The following ANK2 variants were observed in gnomAD, a reference collection of about 807,000 sequenced individuals.
ANK2 encodes the protein ankyrin-2.
A neutral mutation model predicts 360.5 loss-of-function variants in ANK2; 83 were observed. The ratio of observed to expected loss-of-function variants is 0.23; its 90% confidence interval spans 0.19 to 0.28. ANK2 has a LOEUF of 0.28. Ranked by LOEUF, ANK2 falls within the 10% of genes least tolerant of loss-of-function variation. The probability of loss-of-function intolerance (pLI) is 1.00; values close to 1 mark genes in which losing one functional copy is unlikely to be tolerated. For synonymous variants in ANK2, 1,740 were observed against 1,759.5 expected (o/e 0.99, Z 0.28); for missense variants, 4,201 against 4,795.7 (o/e 0.88, Z 3.66).
At chr4:112,805,190 T>C in the ANK2 span, among the ~76,000 whole-genome samples, 1 of 152,080 alleles carries the variant, frequency 6.6e-6, no homozygotes, top group Non-Finnish European at 1.5e-5. Flanking sequence ...GTAGGAAAAT[T>C]AGGCCTCAAA....
chr4:113,206,730 A>G (rs1387044932), intron 4 of ANK2, among the ~76,000 whole-genome samples: 1 of 152,312 alleles, frequency 6.6e-6, no homozygotes, highest in East Asian at 1.9e-4. Flanking sequence ...GATGTCTTTA[A>G]AGTTTTGCCC....
chr4:113,126,987 A>G (rs1164738778), intron 1 of ANK2, among the ~76,000 whole-genome samples: 1 of 152,208 alleles, frequency 6.6e-6, no homozygotes, highest in Non-Finnish European at 1.5e-5. Context: ...AGTAAGTTGT[A>G]TAAGAGCATC....
chr4:113,235,655 G>A (rs1345285182), intron 5 of ANK2, among the ~76,000 whole-genome samples: 7 of 151,948 alleles, frequency 4.6e-5, no homozygotes, highest in Non-Finnish European at 7.4e-5. Flanking sequence ...GGCTCATGTC[G>A]AACTCCTGAA....
chr4:113,353,687 C>T lies in ANK2; in HGVS notation c.5069C>T (p.Thr1690Ile). 6.2e-7 allele frequency: 1 copy of T among 1,613,856 alleles called. No individual in the cohort carries two copies. Among genetic ancestry groups the T allele is most frequent in the Non-Finnish European group, 8.5e-7 (1 of 1,179,938 alleles). ...KDIPPDETQSTQKQHKPSLGI... is the reference protein window; with the variant it reads ...KDIPPDETQSIQKQHKPSLGI... ...ATACCCCCAGATGAGACACAGAGTA[C>T]ACAGAAACAGCACAAACCAAGCTTG... The change falls in exon 38 of 46, where the codon ACA (threonine) becomes ATA (isoleucine). Residue 1690 changes from threonine (T) to isoleucine (I), a missense_variant. This residue lies in a region of ANK2 where 2,642 missense variants were observed against 2,714.5 expected (regional missense o/e 0.97). Transcript: ENST00000357077.
intron 1 of ANK2, among the ~76,000 whole-genome samples, chr4:113,054,804 C>T (rs1190856452): frequency 2.0e-5 from 3 of 152,044 alleles, no homozygotes; most frequent in Non-Finnish European, 4.4e-5. Context: ...AGAAAAATAC[C>T]TTATAACCTG....
Position 113,355,608 on chromosome 4 carries a change from C to G in ANK2, c.6990C>G (p.Ser2330Arg). 6.2e-7 allele frequency: 1 copy of G among 1,614,064 alleles called. No homozygotes were observed. Among genetic ancestry groups the G allele is most frequent in the Non-Finnish European group, 8.5e-7 (1 of 1,179,976 alleles). The change falls in exon 38 of 46, where the codon AGC (serine) becomes AGG (arginine). Residue 2330 changes from serine to arginine, a missense_variant. By Grantham distance (110) the Ser-to-Arg change is moderately radical. Around this residue, in one of 4 missense-constraint regions of ANK2, gnomAD observed 2,642 missense variants for 2,714.5 expected, o/e 0.97. Coordinates refer to ENST00000357077, the MANE Select transcript of ANK2 (RefSeq NM_001148.6). ...AAAGACAAGATGATTGCACAGGCAG[C>G]TGTAGTGTAGCATTAGCTAAAGAGA... is the stretch of plus-strand genomic sequence containing the variant. The part of the protein sequence containing the change: ...SPKRQDDCTG[S>R]CSVALAKETP...
In ANK2 at chr4:113,382,893, T is replaced by G. The variant is rs1312874835; in HGVS notation, c.*1422T>G. 2.0e-5 allele frequency: 3 copies of G among 152,508 alleles called. No homozygotes were observed. Among genetic ancestry groups the G allele is most frequent in the Non-Finnish European group, 4.4e-5 (3 of 68,048 alleles). 9.4% of individuals were successfully genotyped at this position (152,508 alleles called of 1,614,324 possible). A position where few individuals can be genotyped will look rare whatever the true frequency, so the allele number is the denominator to read the frequency against. On this transcript the variant is annotated 3_prime_UTR_variant, in exon 46 of 46. Coordinates refer to ENST00000357077, the MANE Select transcript of ANK2 (RefSeq NM_001148.6). ...GAAATCCACACTCCCTTGGAAACTC[T>G]TAAGTGCATTTGTGCACTTCTGTTT...
At chr4:113,008,826 G>A (rs2053776567) in intron 2 of ANK2, among the ~76,000 whole-genome samples, 1 of 152,100 alleles carries the variant, frequency 6.6e-6, no homozygotes, top group Admixed American at 6.6e-5. Context: ...TGTCTAGGTG[G>A]TGGATAGGAG....
At chr4:112,902,126 G>A (rs1355939941) in intron 1 of ANK2, among the ~76,000 whole-genome samples, 2 of 152,154 alleles carry the variant, frequency 1.3e-5, no homozygotes, top group South Asian at 2.1e-4. Context: ...CAAAAGCCCA[G>A]GAACTGGTTT....
At chr4:113,341,976 A>G (rs2094353186) in intron 33 of ANK2, 60 bp downstream of exon 33, 8 of 1,325,408 alleles carry the variant, frequency 6.0e-6, no homozygotes, top group African/African-American at 1.5e-5. Context: ...GCATTAATAG[A>G]TTACATTTCA....
the ANK2 span, among the ~76,000 whole-genome samples, chr4:112,773,092 C>T: frequency 6.6e-5 from 10 of 152,214 alleles, no homozygotes; most frequent in African/African-American, 2.4e-4. Flanking sequence ...TCGAGGTGGG[C>T]AGATCACTTG....
chr4:112,725,606 C>T, the ANK2 span, among the ~76,000 whole-genome samples: 4 of 151,876 alleles, frequency 2.6e-5, no homozygotes, highest in Non-Finnish European at 4.4e-5. Flanking sequence ...GTGATCCTCC[C>T]GCCTCAGCCT....
intron 24 of ANK2, among the ~76,000 whole-genome samples, chr4:113,315,791 C>A (rs558311219): frequency 1.4e-5 from 2 of 147,162 alleles, no homozygotes; most frequent in African/African-American, 5.0e-5. Context: ...CCCAGCTACT[C>A]GGGAGGCTGA....
At chr4:113,002,400 A>T (rs2051089352) in intron 2 of ANK2, among the ~76,000 whole-genome samples, 1 of 152,360 alleles carries the variant, frequency 6.6e-6, no homozygotes, top group South Asian at 2.1e-4. Flanking sequence ...TGATGAGTTC[A>T]TGTCCTTTGT....
chr4:113,241,941 T>G (rs1182957859), intron 8 of ANK2, among the ~76,000 whole-genome samples, 170 bp from the exon 9 acceptor site: 1 of 152,212 alleles, frequency 6.6e-6, no homozygotes, highest in Non-Finnish European at 1.5e-5. Flanking sequence ...TATATTGTTT[T>G]GTGGTTTGTG....
chr4:113,238,839 G>T (rs1468483968), intron 7 of ANK2, among the ~76,000 whole-genome samples: 1 of 152,146 alleles, frequency 6.6e-6, no homozygotes, highest in African/African-American at 2.4e-5. Context: ...GTTTTGTGCT[G>T]ATCCAAGATT....
At chr4:112,706,938 G>C in the ANK2 span, 1 of 152,280 alleles carries the variant, frequency 6.6e-6, no homozygotes, top group South Asian at 2.1e-4. Context: ...ATCTGGTTGT[G>C]ATCTGTGATT....
intron 2 of ANK2, among the ~76,000 whole-genome samples, chr4:112,955,159 G>C (rs971526840): frequency 9.9e-5 from 15 of 151,978 alleles, no homozygotes; most frequent in Admixed American, 5.2e-4. Context: ...AACTATTTGT[G>C]GAAGAAAATA....
intron 1 of ANK2, among the ~76,000 whole-genome samples, chr4:113,171,873 C>T (rs1477737894): frequency 6.6e-6 from 1 of 152,164 alleles, no homozygotes; most frequent in African/African-American, 2.4e-5. Flanking sequence ...ATACCTGAGG[C>T]CCCATCAGAC....
Sources: allele counts gnomAD v4.1 joint callset (sites outside exome capture counted in the v4.1 genomes callset), GRCh38; gene constraint gnomAD v4.1.1; regional missense constraint gnomAD v4.1.1; transcripts MANE v1.5; gene names NCBI Gene and HGNC (gene_info 2026-07-23, HGNC 2026-07-21).